The following DPP10 variants were observed in gnomAD, a reference collection of about 807,000 sequenced individuals.
DPP10 encodes dipeptidyl peptidase like 10, also known as inactive dipeptidyl peptidase 10.
DPP10 carries 33 observed loss-of-function variants against 120.9 expected under a neutral mutation model. The ratio of observed to expected loss-of-function variants is 0.27; its 90% CI spans 0.21 to 0.37. The LOEUF (loss-of-function observed/expected upper bound fraction) is 0.37. DPP10 is among the 10% of genes least tolerant of loss of function. The pLI, the probability that DPP10 is intolerant of heterozygous loss-of-function variation, is 1.00. For missense variants in DPP10, 816 were observed against 942.8 expected (o/e 0.87, Z 1.76); for synonymous variants, 337 against 326.1 (o/e 1.03, Z -0.36).
At chr2:114,997,364 C>A (rs577375381) in intron 1 of DPP10, among the ~76,000 whole-genome samples, 55 of 149,534 alleles carry the variant, frequency 3.7e-4, no homozygotes, top group African/African-American at 1.1e-3. Context: ...TGGTGGCATG[C>A]ACCTGTAGTC....
intron 1 of DPP10, among the ~76,000 whole-genome samples, chr2:114,680,297 C>T (rs1342772813): frequency 6.6e-6 from 1 of 151,948 alleles, no homozygotes; most frequent in Non-Finnish European, 1.5e-5. Context: ...TTTGTAATCA[C>T]TCTAAACTAC....
chr2:114,551,561 C>T (rs1164741016), intron 1 of DPP10, among the ~76,000 whole-genome samples: 3 of 152,174 alleles, frequency 2.0e-5, no homozygotes, highest in African/African-American at 4.8e-5. Context: ...CTCTGAGCTC[C>T]AGCTCAGCCA....
intron 1 of DPP10, among the ~76,000 whole-genome samples, chr2:114,645,341 A>G (rs1395103629): frequency 6.6e-6 from 1 of 152,208 alleles, no homozygotes; most frequent in Admixed American, 6.5e-5. Flanking sequence ...GTCCTAAACC[A>G]TAGGCCAAGA....
chr2:115,683,549 C>T (rs1012043760), intron 5 of DPP10, among the ~76,000 whole-genome samples: 1 of 151,790 alleles, frequency 6.6e-6, no homozygotes, highest in Non-Finnish European at 1.5e-5. Flanking sequence ...ATGAGTACCA[C>T]TCTGGTAGGG....
rs139382926 is a variant in DPP10 at position 114,490,773 on chromosome 2, A to G, written c.60+47935A>G. 5.2e-3 allele frequency among the ~76,000 whole-genome samples: 787 copies of G among 151,330 alleles called. 12 individuals are homozygous for G. Among genetic ancestry groups the G allele is most frequent in the African/African-American group, 0.018 (743 of 41,314 alleles). ...AAAAACTCTGAATTTTAGTTAATCC[A>G]TGATGTATATATGGGGGCGGGGGGT... On this transcript the variant is annotated intron_variant, in intron 1 of 25. Coordinates refer to ENST00000410059, the MANE Select transcript of DPP10 (RefSeq NM_020868.6).
intron 1 of DPP10, among the ~76,000 whole-genome samples, chr2:114,654,197 G>A (rs547403498): frequency 5.3e-5 from 8 of 152,256 alleles, no homozygotes; most frequent in South Asian, 2.1e-4. Flanking sequence ...ACTCGAAATG[G>A]TATTCTCTGT....
At chr2:114,589,828 C>G (rs1333869813) in intron 1 of DPP10, among the ~76,000 whole-genome samples, 1 of 151,926 alleles carries the variant, frequency 6.6e-6, no homozygotes, top group Non-Finnish European at 1.5e-5. Context: ...AGAAAAACTC[C>G]AACCTCTTGG....
intron 3 of DPP10, among the ~76,000 whole-genome samples, chr2:115,375,573 A>C (rs2065732301): frequency 6.6e-6 from 1 of 152,188 alleles, no homozygotes; most frequent in Admixed American, 6.5e-5. Context: ...TCTTTATAGC[A>C]GTCTCCCACT....
intron 1 of DPP10, among the ~76,000 whole-genome samples, chr2:115,236,503 T>G (rs1574111509): frequency 1.3e-5 from 2 of 152,196 alleles, no homozygotes; most frequent in East Asian, 3.9e-4. Context: ...AAACAAACAC[T>G]GAGGATTCTT....
chr2:115,224,334 G>T (rs766749042), intron 1 of DPP10, among the ~76,000 whole-genome samples: 2 of 152,106 alleles, frequency 1.3e-5, no homozygotes, highest in Admixed American at 1.3e-4. Flanking sequence ...ATGGATTTTT[G>T]CTCCTTAGAA....
intron 1 of DPP10, among the ~76,000 whole-genome samples, chr2:114,691,331 T>G (rs1453700094): frequency 2.6e-5 from 4 of 152,138 alleles, no homozygotes; most frequent in African/African-American, 9.7e-5. Context: ...ATCATGTGGT[T>G]TTTGTCTATA....
At chr2:115,283,384 A>AT (rs1559362407) in intron 1 of DPP10, among the ~76,000 whole-genome samples, 1 of 152,056 alleles carries the variant, frequency 6.6e-6, no homozygotes, top group Non-Finnish European at 1.5e-5. Flanking sequence ...TTGGGAAATG[A>AT]TGTCTACTCA....
At chr2:115,302,474 A>G (rs913211532) in intron 1 of DPP10, among the ~76,000 whole-genome samples, 1 of 151,990 alleles carries the variant, frequency 6.6e-6, no homozygotes. Context: ...AAAAGTAGCC[A>G]GGTATAGTGG....
intron 1 of DPP10, among the ~76,000 whole-genome samples, chr2:114,752,772 C>T (rs571320967): frequency 6.6e-6 from 1 of 152,190 alleles, no homozygotes; most frequent in Non-Finnish European, 1.5e-5. Context: ...TTGAATGACA[C>T]CCCTGTTTTA....
At chr2:115,207,524 A>C (rs796266437) in intron 1 of DPP10, among the ~76,000 whole-genome samples, 8 of 150,608 alleles carry the variant, frequency 5.3e-5, no homozygotes, top group African/African-American at 1.9e-4. Flanking sequence ...GCACTCTGTA[A>C]GTGTTTTGCA....
intron 1 of DPP10, among the ~76,000 whole-genome samples, chr2:114,606,280 C>T (rs1175785927): frequency 6.6e-6 from 1 of 152,040 alleles, no homozygotes; most frequent in Non-Finnish European, 1.5e-5. Context: ...ATTTTATGGG[C>T]TTGATCACTA....
chr2:115,205,627 T>A (rs562544637), intron 1 of DPP10, among the ~76,000 whole-genome samples: 1 of 152,252 alleles, frequency 6.6e-6, no homozygotes, highest in South Asian at 2.1e-4. Context: ...GGAATTAACC[T>A]CGGTGCCCAT....
intron 1 of DPP10, among the ~76,000 whole-genome samples, chr2:114,488,343 G>A (rs1209784325): frequency 1.3e-5 from 2 of 152,256 alleles, no homozygotes; most frequent in Middle Eastern, 3.4e-3. Flanking sequence ...TATCTGTAAC[G>A]TGATGATAAT....
intron 11 of DPP10, among the ~76,000 whole-genome samples, chr2:115,754,785 G>T (rs920473530): frequency 1.3e-5 from 2 of 151,980 alleles, no homozygotes; most frequent in Non-Finnish European, 2.9e-5. Flanking sequence ...TAGTAATATT[G>T]GAATTAGCAG....
Sources: allele counts gnomAD v4.1 joint callset (sites outside exome capture counted in the v4.1 genomes callset), GRCh38; gene constraint gnomAD v4.1.1; transcripts MANE v1.5; gene names NCBI Gene and HGNC (gene_info 2026-07-23, HGNC 2026-07-21).